FAM83D: variants seen among roughly 807,000 people sequenced by gnomAD.
FAM83D encodes scaffolding CK1 anchoring protein D.
FAM83D carries 26 observed loss-of-function variants against 25.4 expected under a neutral mutation model. The observed-to-expected ratio is 1.02, with a 90% confidence interval of 0.75 to 1.42. FAM83D has a LOEUF of 1.42. Among genes scored for constraint, FAM83D ranks in the 40% most tolerant of loss-of-function variants. The pLI is 0.00. For synonymous variants in FAM83D, 310 were observed against 318.5 expected, an observed-to-expected ratio of 0.97 and a Z score of 0.28; for missense variants, 740 against 758.1, an observed-to-expected ratio of 0.98 and a Z score of 0.28.
chr20:38,944,456 A>G (rs1159797147), intron 2 of FAM83D, among the ~76,000 whole-genome samples: 1 of 152,228 alleles, frequency 6.6e-6, no homozygotes, highest in Non-Finnish European at 1.5e-5. Context: ...TTTAATTTCA[A>G]GGTACTCTTT....
At chr20:38,941,883 G>A (rs974535608) in intron 1 of FAM83D, 76 bp from the exon 2 acceptor site, 4 of 1,434,004 alleles carry the variant, frequency 2.8e-6, no homozygotes. Flanking sequence ...TCTGAGTGGA[G>A]TCCAGAGTCC....
At chr20:38,928,344 T>TG (rs1339417465) in intron 1 of FAM83D, among the ~76,000 whole-genome samples, 1 of 152,172 alleles carries the variant, frequency 6.6e-6, no homozygotes, top group East Asian at 1.9e-4. Flanking sequence ...GGGGTTTCAG[T>TG]GGTAGTGGAT....
chr20:38,939,182 TCTC>T (rs1236340485), intron 1 of FAM83D, among the ~76,000 whole-genome samples: 3 of 152,270 alleles, frequency 2.0e-5, no homozygotes, highest in Admixed American at 2.0e-4. Context: ...GGGAATGCCT[TCTC>T]CTCCCTTCAC....
chr20:38,952,244 C>T lies in FAM83D; in HGVS notation c.1482C>T (p.Pro494=), dbSNP rs369479361. The T allele has an allele frequency of 1.1e-5, 17 of 1,614,042 alleles. No homozygotes were observed. The highest frequency in any genetic ancestry group is 1.7e-5 in the Admixed American group (1 of 60,004). ...CTGTGGCAAGCTCCACTGGTTCTCCCGCTTCCATCAGAACCACTGACTTCC... is the reference window on the plus strand; with the variant it reads ...CTGTGGCAAGCTCCACTGGTTCTCCTGCTTCCATCAGAACCACTGACTTCC... ...QGSVASSTGS[P]ASIRTTDFHN... Residue 494 remains proline (P), a synonymous_variant, in exon 4 of 4, where the codon CCC becomes CCT. Coordinates refer to ENST00000619850, the MANE Select transcript of FAM83D (RefSeq NM_030919.3).
chr20:38,936,153 G>C (rs1260323053), intron 1 of FAM83D, among the ~76,000 whole-genome samples: 1 of 152,122 alleles, frequency 6.6e-6, no homozygotes, highest in Non-Finnish European at 1.5e-5. Flanking sequence ...GGGAGGGAAG[G>C]GAGGGAAACT....
intron 1 of FAM83D, among the ~76,000 whole-genome samples, chr20:38,932,572 A>G (rs78914504): frequency 5.9e-4 from 90 of 152,316 alleles, no homozygotes; most frequent in Non-Finnish European, 1.1e-3. Flanking sequence ...TTTTCCCTAC[A>G]TACTTGCTGT....
At chr20:38,938,003 T>A (rs1353651347) in intron 1 of FAM83D, among the ~76,000 whole-genome samples, 1 of 152,032 alleles carries the variant, frequency 6.6e-6, no homozygotes, top group East Asian at 1.9e-4. Flanking sequence ...CCTGCTTTAG[T>A]AAGAAAGGAG....
rs772376318 is a variant in FAM83D at position 38,926,488 on chromosome 20, C to T, written c.46C>T (p.Leu16=). The T allele has an allele frequency of 3.8e-6, 6 of 1,597,408 alleles. No individual in the cohort carries two copies. In the African/African-American group the frequency reaches 6.7e-5, roughly 18 times the overall value. Residue 16 remains leucine (L), a synonymous_variant, in exon 1 of 4, where the codon CTG becomes TTG. Coordinates refer to ENST00000619850, the MANE Select transcript of FAM83D (RefSeq NM_030919.3). ...CCTGGACGAGGTGCCCGCCGCCTGC[C>T]TGTCGCCGTGCGGGCCGCCCAACCC... The part of the protein sequence containing the change: ...EGLDEVPAAC[L]SPCGPPNPTE...
Position 38,947,991 on chromosome 20 carries a change from G to T in FAM83D, c.767G>T (p.Gly256Val). Residue 256 changes from glycine to valine, a missense_variant, in exon 3 of 4, where the codon GGC (glycine) becomes GTC (valine). By Grantham distance (109) the Gly-to-Val change is moderately radical. Around this residue, in one of 3 missense-constraint regions of FAM83D, gnomAD observed 375 missense variants for 403.2 expected, o/e 0.93. Coordinates refer to ENST00000619850, the MANE Select transcript of FAM83D (RefSeq NM_030919.3). ...ATTGATGGCATCCGCGTGGCAACAGGCTCCTACAGGTAAGTCTCTAACCCG... is the reference window on the plus strand; with the variant it reads ...ATTGATGGCATCCGCGTGGCAACAGTCTCCTACAGGTAAGTCTCTAACCCG... ...TLIDGIRVAT[G>V]SYSFTWTDGK... 1 of 1,614,072 alleles carries T rather than the reference G, an allele frequency of 6.2e-7. No individual in the cohort carries two copies. The highest frequency in any genetic ancestry group is 8.5e-7 in the Non-Finnish European group (1 of 1,179,992).
intron 1 of FAM83D, among the ~76,000 whole-genome samples, chr20:38,938,491 A>T (rs1026604607): frequency 1.3e-5 from 2 of 152,220 alleles, no homozygotes; most frequent in African/African-American, 4.8e-5. Flanking sequence ...TTGAAAGAAG[A>T]GTGGGAAATC....
intron 1 of FAM83D, among the ~76,000 whole-genome samples, chr20:38,937,571 A>G (rs2085684193): frequency 6.6e-6 from 1 of 152,150 alleles, no homozygotes; most frequent in Non-Finnish European, 1.5e-5. Flanking sequence ...TGGTTGCATG[A>G]GGGCTGGGAC....
rs561346466 is a variant in FAM83D, at chr20:38,934,219, C to T, written c.483+7294C>T. Among the ~76,000 whole-genome samples, 4 of 152,038 alleles carry T rather than the reference C, an allele frequency of 2.6e-5. No homozygotes were observed. The East Asian group carries it at 5.8e-4, about 22-fold the overall frequency. The stretch of plus-strand genomic sequence containing the variant: ...CAGACAGTAATGAAGCTGCAGAATT[C>T]TTCTCTGACTTCTTTATGGATAGAA... On this transcript the variant is annotated intron_variant, in intron 1 of 3. Coordinates refer to ENST00000619850, the MANE Select transcript of FAM83D (RefSeq NM_030919.3).
chr20:38,927,635 A>G (rs1363805963), intron 1 of FAM83D, among the ~76,000 whole-genome samples: 2 of 150,046 alleles, frequency 1.3e-5, no homozygotes, highest in Admixed American at 6.7e-5. Flanking sequence ...AGTAGCTGGG[A>G]TTACCGGTGC....
In FAM83D at chr20:38,951,857, C is replaced by A; in HGVS notation, c.1095C>A (p.Ser365=). 2 of 1,614,226 alleles carry A rather than the reference C, an allele frequency of 1.2e-6. No individual in the cohort carries two copies. Among genetic ancestry groups the A allele is most frequent in the Non-Finnish European group, 1.7e-6 (2 of 1,180,042 alleles). The change falls in exon 4 of 4, where the codon TCC becomes TCA. Residue 365 remains serine (S), a synonymous_variant. Coordinates refer to ENST00000619850, the MANE Select transcript of FAM83D (RefSeq NM_030919.3). ...AGCGCAAGCCCCATGACTGTGAGTC[C>A]TCTACTGTTAGTGAGGAAGACTACT... ...KAERKPHDCE[S]STVSEEDYFS... is the part of the protein sequence containing the mutation.
At chr20:38,933,687 C>T (rs1323669390) in intron 1 of FAM83D, among the ~76,000 whole-genome samples, 1 of 152,162 alleles carries the variant, frequency 6.6e-6, no homozygotes, top group Non-Finnish European at 1.5e-5. Context: ...TGTAAGTGTA[C>T]AGTTCAGTGG....
Position 38,952,322 on chromosome 20 carries a change from G to C in FAM83D, c.1560G>C (p.Leu520Phe), listed in dbSNP as rs201963971. The C allele has an allele frequency of 5.9e-4, 950 of 1,614,112 alleles. 7 individuals carry two copies. The highest frequency in any genetic ancestry group is 6.6e-4 in the Middle Eastern group (4 of 6,062). The change falls in exon 4 of 4, where the codon TTG becomes TTC. Residue 520 changes from leucine to phenylalanine, a missense_variant. Leu to Phe is a conservative substitution (Grantham distance 22). Around this residue, in one of 3 missense-constraint regions of FAM83D, gnomAD observed 375 missense variants for 403.2 expected, o/e 0.93. Transcript: ENST00000619850. Reference sequence around the variant, plus strand: ...GCACCCCCCACCTGGAACTGTACTTGAGTGACTCACTTAGAAACTTGAACA... The same window carrying C: ...GCACCCCCCACCTGGAACTGTACTTCAGTGACTCACTTAGAAACTTGAACA... ...YLGTPHLELY[L>F]SDSLRNLNKE...
chr20:38,933,031 C>T (rs767070399), intron 1 of FAM83D, among the ~76,000 whole-genome samples: 6 of 152,184 alleles, frequency 3.9e-5, no homozygotes, highest in Non-Finnish European at 8.8e-5. Flanking sequence ...CACAACTTTC[C>T]TCTGCATTAC....
At position 38,932,694 on chromosome 20, in the gene FAM83D, A is replaced by G. The variant is rs193237576; in HGVS notation, c.483+5769A>G. 1.4e-3 allele frequency among the ~76,000 whole-genome samples: 211 copies of G among 152,358 alleles called. 2 individuals carry two copies. Among genetic ancestry groups the G allele is most frequent in the Admixed American group, 0.012 (191 of 15,308 alleles). ...GTGGCCGCCTGCCTGGAAGGGCTAC[A>G]TAGCCTCATTTTGGCAATGTGCTTA... On this transcript the variant is annotated intron_variant, in intron 1 of 3. Coordinates refer to ENST00000619850, the MANE Select transcript of FAM83D (RefSeq NM_030919.3).
chr20:38,949,859 C>T (rs945654956), intron 3 of FAM83D, among the ~76,000 whole-genome samples: 3 of 152,206 alleles, frequency 2.0e-5, no homozygotes, highest in Non-Finnish European at 4.4e-5. Flanking sequence ...AAGAGTCTTG[C>T]CCAGGCCGGA....
Sources: allele counts gnomAD v4.1 joint callset (sites outside exome capture counted in the v4.1 genomes callset), GRCh38; gene constraint gnomAD v4.1.1; regional missense constraint gnomAD v4.1.1; transcripts MANE v1.5; gene names NCBI Gene and HGNC (gene_info 2026-07-23, HGNC 2026-07-21).